SRPX: variants seen among roughly 807,000 people sequenced by gnomAD.
SRPX encodes sushi repeat containing protein X-linked.
A neutral mutation model predicts 38.1 loss-of-function variants in SRPX; 24 were observed. The ratio of observed to expected loss-of-function variants is 0.63; its 90% CI spans 0.46 to 0.89. The LOEUF (loss-of-function observed/expected upper bound fraction) is 0.89, where lower values mean the gene tolerates loss of function less well. SRPX is among the 40% of genes least tolerant of loss of function. The probability of loss-of-function intolerance (pLI) is 0.00; values close to 1 mark genes in which losing one functional copy is unlikely to be tolerated. For missense variants in SRPX, 416 were observed against 377.8 expected, an observed-to-expected ratio of 1.10 and a Z score of -0.84; for synonymous variants, 184 against 153.8, an observed-to-expected ratio of 1.20 and a Z score of -1.45.
chrX:38,220,348 G>A (rs886653159), intron 1 of SRPX, among the ~76,000 whole-genome samples: 1 of 113,398 alleles, frequency 8.8e-6, no homozygotes. Context: ...GCAAAATTCT[G>A]GGGGTGAGAA....
chrX:38,207,680 A>G (rs1569215147), intron 1 of SRPX, among the ~76,000 whole-genome samples: 1 of 112,329 alleles, frequency 8.9e-6, no homozygotes, highest in Non-Finnish European at 1.9e-5. Flanking sequence ...AGCTATGAGC[A>G]TGGGAGGGAT....
chrX:38,211,610 G>C (rs1348972219), intron 1 of SRPX, among the ~76,000 whole-genome samples: 1 of 110,699 alleles, frequency 9.0e-6, no homozygotes, highest in Non-Finnish European at 1.9e-5. Context: ...TGAGGCAGGA[G>C]AATCTCTTGA....
In SRPX at chrX:38,178,322, T is replaced by C; in HGVS notation, c.120A>G (p.Glu40=). ...SFPGSGDSPL[E]DDEVGYSHPR... Reference sequence around the variant, plus strand: ...GGTGTGAATACCCGACTTCATCGTCTTCTAGTGGTGAGTCTCCCGATCCTA... The same window carrying C: ...GGTGTGAATACCCGACTTCATCGTCCTCTAGTGGTGAGTCTCCCGATCCTA... The change falls in exon 2 of 10, where the codon GAA becomes GAG. Residue 40 remains glutamate, a synonymous_variant. Coordinates refer to ENST00000378533, the MANE Select transcript of SRPX (RefSeq NM_006307.5). 8.3e-7 allele frequency: 1 copy of C among 1,210,635 alleles called. No individual in the cohort carries two copies. Among genetic ancestry groups the C allele is most frequent in the Non-Finnish European group, 1.1e-6 (1 of 894,777 alleles).
chrX:38,183,291 T>C (rs1938707241), intron 1 of SRPX, among the ~76,000 whole-genome samples: 1 of 111,915 alleles, frequency 8.9e-6, no homozygotes. Flanking sequence ...TGACCTCAAG[T>C]GATCTGCCCG....
chrX:38,161,047 G>A lies in SRPX; in HGVS notation c.661C>T (p.Leu221=). Reference sequence around the variant, plus strand: ...TTGGAGCCTGGGGGGAGGCCTTTTAGAATGACACTTAGAGAAAAAAAATCA... The same window carrying A: ...TTGGAGCCTGGGGGGAGGCCTTTTAAAATGACACTTAGAGAAAAAAAATCA... ...TADGILTDVI[L]KGLPPGSNFP... Residue 221 remains leucine (L), a synonymous_variant, in exon 6 of 10, where the codon CTA becomes TTA. Transcript: ENST00000378533. 2 of 1,208,757 alleles carry A rather than the reference G, an allele frequency of 1.7e-6. No homozygotes were observed.
chrX:38,208,241 G>A (rs959692403), intron 1 of SRPX, among the ~76,000 whole-genome samples: 1 of 111,521 alleles, frequency 9.0e-6, no homozygotes, highest in Non-Finnish European at 1.9e-5. Flanking sequence ...TTCTATGTAT[G>A]TGCATACCCA....
At chrX:38,160,341 T>C (rs1423986700) in intron 6 of SRPX, 145 bp from the exon 7 acceptor site, 1 of 564,552 alleles carries the variant, frequency 1.8e-6, no homozygotes, top group East Asian at 3.6e-5. Flanking sequence ...GGGATGACTA[T>C]TTGGTCAGTG....
chrX:38,206,391 T>A (rs1026962611), intron 1 of SRPX, among the ~76,000 whole-genome samples: 21 of 112,339 alleles, frequency 1.9e-4, no homozygotes, highest in Non-Finnish European at 3.8e-4. Context: ...AGTAAATACA[T>A]AGTTGTCACT....
intron 1 of SRPX, 96 bp downstream of exon 1, chrX:38,220,600 C>A: frequency 9.1e-7 from 1 of 1,096,477 alleles, no homozygotes; most frequent in Non-Finnish European, 1.2e-6. Flanking sequence ...AAAGGGCGCC[C>A]CCGGCACCTC....
At chrX:38,203,989 A>G (rs1218512055) in intron 1 of SRPX, among the ~76,000 whole-genome samples, 1 of 112,459 alleles carries the variant, frequency 8.9e-6, no homozygotes, top group African/African-American at 3.2e-5. Flanking sequence ...AAATAAAAAC[A>G]TTTCCAGTAG....
At chrX:38,181,457 A>G (rs1474663178) in intron 1 of SRPX, among the ~76,000 whole-genome samples, 1 of 112,273 alleles carries the variant, frequency 8.9e-6, no homozygotes, top group Non-Finnish European at 1.9e-5. Context: ...ACAGTTGTGC[A>G]TGCAGAAAAT....
intron 1 of SRPX, among the ~76,000 whole-genome samples, chrX:38,194,863 G>GTTTTTTTTTTTTTTTTTTTTTTT (rs35179239): frequency 1.9e-5 from 1 of 53,667 alleles, no homozygotes; most frequent in East Asian, 4.7e-4. Flanking sequence ...TTTGTTTTTG[G>GTTTTTTTTTTTTTTTTTTTTTTT]TTTTTTTTTT....
chrX:38,169,616 A>G (rs1205729853), intron 4 of SRPX, among the ~76,000 whole-genome samples: 1 of 112,521 alleles, frequency 8.9e-6, no homozygotes, highest in Non-Finnish European at 1.9e-5. Flanking sequence ...CAGGGCAAAA[A>G]GGAAAGTTTG....
intron 4 of SRPX, among the ~76,000 whole-genome samples, chrX:38,165,561 C>T (rs1938350657): frequency 8.9e-6 from 1 of 111,992 alleles, no homozygotes; most frequent in Admixed American, 9.5e-5. Context: ...CCGCCCAACT[C>T]TCTCATTTTA....
chrX:38,216,950 C>T (rs972970376), intron 1 of SRPX, among the ~76,000 whole-genome samples: 1 of 112,183 alleles, frequency 8.9e-6, no homozygotes, highest in Non-Finnish European at 1.9e-5. Context: ...AGAGAGTGTT[C>T]GTATATTTAA....
intron 1 of SRPX, among the ~76,000 whole-genome samples, chrX:38,191,298 T>C (rs1187049005): frequency 3.6e-5 from 4 of 112,286 alleles, no homozygotes; most frequent in Non-Finnish European, 7.5e-5. Context: ...TGGTTTGAGA[T>C]AAGAAATCAA....
intron 1 of SRPX, among the ~76,000 whole-genome samples, chrX:38,190,989 G>C (rs145971781): frequency 9.0e-6 from 1 of 111,348 alleles, no homozygotes; most frequent in African/African-American, 3.3e-5. Flanking sequence ...AGCTGCCAAC[G>C]ACAAAGATTA....
chrX:38,183,046 T>C (rs1938701139), intron 1 of SRPX, among the ~76,000 whole-genome samples: 1 of 94,670 alleles, frequency 1.1e-5, no homozygotes, highest in African/African-American at 3.7e-5. Flanking sequence ...TACTGCATAT[T>C]CTTGATAGAT....
At chrX:38,171,354 C>A (rs1938464949) in intron 4 of SRPX, among the ~76,000 whole-genome samples, 1 of 111,379 alleles carries the variant, frequency 9.0e-6, no homozygotes, top group African/African-American at 3.3e-5. Flanking sequence ...AATTTGCATT[C>A]TTAGACCAGG....
Sources: allele counts gnomAD v4.1 joint callset (sites outside exome capture counted in the v4.1 genomes callset), GRCh38; gene constraint gnomAD v4.1.1; transcripts MANE v1.5; gene names NCBI Gene and HGNC (gene_info 2026-07-23, HGNC 2026-07-21).